GOLIM4: variants seen among roughly 807,000 people sequenced by gnomAD.
GOLIM4 encodes golgi integral membrane protein 4.
A neutral mutation model predicts 107.4 loss-of-function variants in GOLIM4; 71 were observed. The observed-to-expected ratio is 0.66, with a 90% confidence interval of 0.55 to 0.81. GOLIM4 has a LOEUF of 0.81. Ranked by LOEUF, GOLIM4 falls within the 30% of genes least tolerant of loss-of-function variation. The pLI is 0.00. For synonymous variants in GOLIM4, 327 were observed against 294.8 expected (o/e 1.11, Z -1.12); for missense variants, 830 against 826.1 (o/e 1.00, Z -0.06).
chr3:168,016,749 G>A (rs1441028257), intron 14 of GOLIM4, among the ~76,000 whole-genome samples: 1 of 136,536 alleles, frequency 7.3e-6, no homozygotes, highest in African/African-American at 3.7e-5. Context: ...GTAGGGACAT[G>A]GATGAAATTG....
chr3:168,018,369 C>A lies in GOLIM4; in HGVS notation c.1860+6157G>T, dbSNP rs1717492070. On this transcript the variant is annotated intron_variant, in intron 14 of 15. Coordinates refer to ENST00000470487, the MANE Select transcript of GOLIM4 (RefSeq NM_014498.5). ...CAGAAGAGCTTTGGACAAAACTTGGCCTGTCGAGAGCCTACAAAGGTGACT... is the reference window on the plus strand; with the variant it reads ...CAGAAGAGCTTTGGACAAAACTTGGACTGTCGAGAGCCTACAAAGGTGACT... Among the ~76,000 whole-genome samples the A allele has an allele frequency of 2.0e-5, 3 of 152,142 alleles. No homozygotes were observed. In the South Asian group the frequency reaches 6.2e-4, roughly 32 times the overall value.
At chr3:168,089,915 G>A (rs1376479432) in intron 1 of GOLIM4, among the ~76,000 whole-genome samples, 7 of 151,890 alleles carry the variant, frequency 4.6e-5, no homozygotes. Flanking sequence ...TTATAAGCAT[G>A]TGCCACCACA....
At chr3:168,057,131 T>C (rs925118903) in intron 1 of GOLIM4, among the ~76,000 whole-genome samples, 2 of 152,120 alleles carry the variant, frequency 1.3e-5, no homozygotes, top group African/African-American at 4.8e-5. Context: ...CGAGAGCTGA[T>C]GGTTTTAAAA....
chr3:168,032,902 A>T, intron 8 of GOLIM4, 50 bp from the exon 9 acceptor site: 2 of 1,383,036 alleles, frequency 1.4e-6, no homozygotes, highest in Non-Finnish European at 2.0e-6. Flanking sequence ...TTCAAAAGTA[A>T]TGATGTAATT....
chr3:168,034,541 C>T (rs1207496047), intron 8 of GOLIM4, among the ~76,000 whole-genome samples: 2 of 152,206 alleles, frequency 1.3e-5, no homozygotes, highest in African/African-American at 4.8e-5. Context: ...GAAGTCTACT[C>T]ATATCAACTT....
intron 1 of GOLIM4, among the ~76,000 whole-genome samples, chr3:168,060,466 A>T (rs1216443981): frequency 2.0e-5 from 3 of 152,136 alleles, no homozygotes; most frequent in Non-Finnish European, 4.4e-5. Context: ...GGCCAATGAC[A>T]TCATAGTTTT....
In GOLIM4 at chr3:168,038,449, G is replaced by A. The variant is rs12635330; in HGVS notation, c.685-1455C>T. ...GGTCTAGGACAAGGCCCAGGTACCT[G>A]TGATGCAGGAAGTCTCAAAAAATAT... is the stretch of plus-strand genomic sequence containing the variant. On this transcript the variant is annotated intron_variant, in intron 7 of 15. Coordinates refer to ENST00000470487, the MANE Select transcript of GOLIM4 (RefSeq NM_014498.5). 5.6e-4 allele frequency among the ~76,000 whole-genome samples: 86 copies of A among 152,268 alleles called. 2 individuals carry two copies. In the East Asian group the frequency reaches 0.016, roughly 29 times the overall value.
intron 6 of GOLIM4, 93 bp from the exon 7 acceptor site, chr3:168,040,962 G>T: frequency 1.3e-6 from 1 of 786,216 alleles, no homozygotes; most frequent in Non-Finnish European, 2.2e-6. Context: ...AATGTTACTT[G>T]CTTGTTTATT....
Position 168,030,421 on chromosome 3 carries a change from C to CG in GOLIM4, c.1177-386dup, listed in dbSNP as rs539679889. The stretch of plus-strand genomic sequence containing the variant: ...CTGGGCAATCTGTGACCTTATGCTA[C>CG]GCCTAAGGCTTTTTCCATGAACAGT... On this transcript the variant is annotated intron_variant, in intron 9 of 15. Transcript: ENST00000470487. 1.5e-3 allele frequency among the ~76,000 whole-genome samples: 229 copies of CG among 151,180 alleles called. 1 individual carries two copies. The highest frequency in any genetic ancestry group is 5.4e-3 in the African/African-American group (223 of 41,088).
At position 168,043,423 on chromosome 3, in the gene GOLIM4, A is replaced by C; in HGVS notation, c.473T>G (p.Leu158Trp). 1 of 1,610,844 alleles carries C rather than the reference A, an allele frequency of 6.2e-7. No individual in the cohort carries two copies. The highest frequency in any genetic ancestry group is 8.5e-7 in the Non-Finnish European group (1 of 1,178,926). Residue 158 changes from leucine to tryptophan, a missense_variant, in exon 5 of 16, where the codon TTG becomes TGG. Physicochemically the swap from Leu to Trp is moderately conservative, Grantham distance 61. Transcript: ENST00000470487. ...TTGTTCTTTTTCTTGCTGGAGCTGC[A>C]AGTATTTTTGCTTATGGTCATTAAA... ...RTFNDHKQKYLQLQQEKEQEL... is the reference protein window; with the variant it reads ...RTFNDHKQKYWQLQQEKEQEL...
intron 14 of GOLIM4, among the ~76,000 whole-genome samples, chr3:168,015,412 C>A (rs1293509786): frequency 1.4e-5 from 2 of 142,446 alleles, no homozygotes; most frequent in Non-Finnish European, 3.0e-5. Context: ...AATGGAAGAA[C>A]ATTCCATGCT....
chr3:168,028,401 T>C (rs1718128877), intron 11 of GOLIM4, among the ~76,000 whole-genome samples: 1 of 152,190 alleles, frequency 6.6e-6, no homozygotes. Flanking sequence ...AATATTTAGA[T>C]AAAGAGAATT....
chr3:168,025,973 G>A lies in GOLIM4; in HGVS notation c.1624-878C>T, dbSNP rs3935393. ...TTGTCATGAGCTTCCCCAATCACTC[G>A]CAGGTCATCAATAGGACACTTACTA... On this transcript the variant is annotated intron_variant, in intron 12 of 15. Transcript: ENST00000470487. Among the ~76,000 whole-genome samples the A allele has an allele frequency of 1.8e-4, 27 of 152,078 alleles. No individual in the cohort carries two copies. In the East Asian group the frequency reaches 3.1e-3, roughly 17 times the overall value.
At chr3:168,056,169 T>C (rs1244307858) in intron 1 of GOLIM4, among the ~76,000 whole-genome samples, 2 of 152,232 alleles carry the variant, frequency 1.3e-5, no homozygotes, top group Non-Finnish European at 2.9e-5. Flanking sequence ...CAGCCATGGC[T>C]GAAAGGCACC....
intron 9 of GOLIM4, among the ~76,000 whole-genome samples, chr3:168,032,222 C>CCTGT (rs1718370959): frequency 6.6e-6 from 1 of 152,200 alleles, no homozygotes; most frequent in African/African-American, 2.4e-5. Flanking sequence ...CCATCAGGTA[C>CCTGT]TCACCTGTTC....
intron 12 of GOLIM4, among the ~76,000 whole-genome samples, chr3:168,026,642 A>T (rs1333513642): frequency 6.6e-6 from 1 of 152,204 alleles, no homozygotes; most frequent in Admixed American, 6.5e-5. Context: ...GCACATTTGC[A>T]GGCCTTTGTA....
chr3:168,025,754 A>C (rs1717960466), intron 12 of GOLIM4, among the ~76,000 whole-genome samples: 2 of 152,242 alleles, frequency 1.3e-5, no homozygotes, highest in African/African-American at 4.8e-5. Context: ...CCAACTGCCC[A>C]ATAGGGCAAT....
chr3:168,041,464 G>C lies in GOLIM4; in HGVS notation c.528C>G (p.Tyr176Ter), dbSNP rs1322416861. ...GTTGTCTATTCTCTTCTCTCAAATTGTATACAGTCTCTATTTTAGAAAAAG... is the reference window on the plus strand; with the variant it reads ...GTTGTCTATTCTCTTCTCTCAAATTCTATACAGTCTCTATTTTAGAAAAAG... ...QELSKLKETV[Y>*]NLREENRQLR... The change falls in exon 6 of 16, where the codon TAC (tyrosine) becomes TAG (stop). Residue 176 changes from tyrosine to a stop codon, truncating the protein, a stop_gained. Transcript: ENST00000470487. LOFTEE classifies it high-confidence loss of function. The C allele has an allele frequency of 6.7e-7, 1 of 1,498,310 alleles. No homozygotes were observed. The allele number at this position is 1,498,310 out of a possible 1,614,324, so 92.8% of individuals were successfully genotyped here.
At chr3:168,041,062 C>T (rs1465361038) in intron 6 of GOLIM4, 193 bp from the exon 7 acceptor site, 11 of 510,000 alleles carry the variant, frequency 2.2e-5, no homozygotes, top group Admixed American at 3.6e-5. Flanking sequence ...AAACGTGCTA[C>T]CCAAATATCA....
Sources: gnomAD v4.1 joint callset for allele counts (sites outside exome capture counted in the v4.1 genomes callset) on GRCh38, gnomAD v4.1.1 for gene constraint, MANE v1.5 for transcripts, NCBI Gene and HGNC (gene_info 2026-07-23, HGNC 2026-07-21) for gene names.